POPDC1: variants seen among roughly 807,000 people sequenced by gnomAD.
POPDC1 encodes popeye domain-containing protein 1.
At chr6:105,122,666 G>A in the POPDC1 span, among the ~76,000 whole-genome samples, 1 of 152,178 alleles carries the variant, frequency 6.6e-6, no homozygotes, top group African/African-American at 2.4e-5. Context: ...AAAGATAAAT[G>A]TTGGGCTTTG....
the POPDC1 span, among the ~76,000 whole-genome samples, chr6:105,103,208 G>GT: frequency 6.6e-6 from 1 of 152,284 alleles, no homozygotes; most frequent in East Asian, 1.9e-4. Context: ...ATTTCATATG[G>GT]TTGTTATAAG....
chr6:105,137,052 G>C, the POPDC1 span: 12 of 152,044 alleles, frequency 7.9e-5, no homozygotes, highest in South Asian at 2.1e-4. Context: ...CGGGGCACAC[G>C]GGCTCAGCTG....
At chr6:105,113,400 G>C in the POPDC1 span, among the ~76,000 whole-genome samples, 1 of 152,172 alleles carries the variant, frequency 6.6e-6, no homozygotes, top group Admixed American at 6.5e-5. Context: ...TCCACCTGCT[G>C]TTTCTCACTA....
At chr6:105,101,491 G>A in the POPDC1 span, among the ~76,000 whole-genome samples, 3 of 152,142 alleles carry the variant, frequency 2.0e-5, no homozygotes, top group Non-Finnish European at 2.9e-5. Context: ...TCAGTTCCCA[G>A]GGGTTTGCCC....
chr6:105,121,536 G>A, the POPDC1 span, among the ~76,000 whole-genome samples: 2 of 152,074 alleles, frequency 1.3e-5, no homozygotes, highest in Admixed American at 6.5e-5. Flanking sequence ...CCAAAGTGCC[G>A]GGATTACAGG....
the POPDC1 span, among the ~76,000 whole-genome samples, chr6:105,107,093 T>C: frequency 2.1e-4 from 32 of 152,266 alleles, no homozygotes; most frequent in Admixed American, 5.9e-4. Flanking sequence ...ACTTCCCCTC[T>C]ACCTCCCCCC....
the POPDC1 span, chr6:105,115,782 A>G: frequency 6.2e-7 from 1 of 1,614,108 alleles, no homozygotes; most frequent in South Asian, 1.1e-5. Context: ...TCCAACATGG[A>G]GATCTGTGTG....
the POPDC1 span, chr6:105,129,351 T>G: frequency 6.4e-7 from 1 of 1,556,614 alleles, no homozygotes. Context: ...TTAAAATCAC[T>G]TCCTTATTAA....
chr6:105,130,957 T>C, the POPDC1 span, among the ~76,000 whole-genome samples: 2 of 152,224 alleles, frequency 1.3e-5, no homozygotes, highest in Non-Finnish European at 2.9e-5. Context: ...GTTTTAGCCA[T>C]CTGAATTTTC....
the POPDC1 span, among the ~76,000 whole-genome samples, chr6:105,116,440 C>A: frequency 6.6e-6 from 1 of 152,136 alleles, no homozygotes; most frequent in Admixed American, 6.5e-5. Context: ...CCCTCTTACT[C>A]CTTTACCATC....
At chr6:105,106,541 G>A in the POPDC1 span, among the ~76,000 whole-genome samples, 1 of 152,232 alleles carries the variant, frequency 6.6e-6, no homozygotes, top group Admixed American at 6.5e-5. Context: ...TGACCACACC[G>A]TGGGCTCCCA....
the POPDC1 span, chr6:105,101,160 CT>C: frequency 1.2e-6 from 2 of 1,613,528 alleles, no homozygotes; most frequent in Non-Finnish European, 1.7e-6. Context: ...TCTTCTGCTC[CT>C]TCTTCTATCG....
At chr6:105,119,171 T>A in the POPDC1 span, among the ~76,000 whole-genome samples, 1,561 of 114,244 alleles carry the variant, frequency 0.014, 32 homozygotes, top group African/African-American at 0.052. Context: ...GGTAACAGAG[T>A]GAGACTCCCT....
chr6:105,108,880 C>A, the POPDC1 span, among the ~76,000 whole-genome samples: 2 of 152,168 alleles, frequency 1.3e-5, no homozygotes, highest in African/African-American at 4.8e-5. Context: ...ATAACTTGAC[C>A]GTTTCAAAGT....
chr6:105,128,727 A>G, the POPDC1 span, among the ~76,000 whole-genome samples: 7 of 152,200 alleles, frequency 4.6e-5, no homozygotes, highest in East Asian at 3.8e-4. Flanking sequence ...GGCCCCAAAC[A>G]TAAGATTAAG....
At chr6:105,114,377 G>A in the POPDC1 span, among the ~76,000 whole-genome samples, 1 of 152,274 alleles carries the variant, frequency 6.6e-6, no homozygotes, top group Admixed American at 6.5e-5. Context: ...AAAGGAAGAA[G>A]TAAAGTTTTT....
At chr6:105,123,013 A>G in the POPDC1 span, among the ~76,000 whole-genome samples, 1 of 152,228 alleles carries the variant, frequency 6.6e-6, no homozygotes, top group Non-Finnish European at 1.5e-5. Context: ...ACCACCGTAA[A>G]TGATAAAAAC....
At chr6:105,117,856 C>A in the POPDC1 span, among the ~76,000 whole-genome samples, 5 of 152,158 alleles carry the variant, frequency 3.3e-5, no homozygotes, top group Non-Finnish European at 5.9e-5. Context: ...CAAATGAACA[C>A]ACAACATGGC....
the POPDC1 span, chr6:105,097,666 G>A: frequency 6.6e-6 from 1 of 152,380 alleles, no homozygotes; most frequent in South Asian, 2.1e-4. Flanking sequence ...GATGGGAGCT[G>A]ACATGGAGGA....
Sources: allele counts gnomAD v4.1 joint callset (sites outside exome capture counted in the v4.1 genomes callset), GRCh38; gene constraint gnomAD v4.1.1; transcripts MANE v1.5; gene names NCBI Gene and HGNC (gene_info 2026-07-23, HGNC 2026-07-21).